The following CNTNAP2 variants were observed in gnomAD, a reference collection of about 807,000 sequenced individuals.
CNTNAP2 encodes the protein contactin-associated protein-like 2.
Under a neutral mutation model 155.2 loss-of-function variants are expected in CNTNAP2, and 98 were observed. The ratio of observed to expected loss-of-function variants is 0.63; its 90% CI spans 0.54 to 0.75. The LOEUF is 0.75. Ranked by LOEUF, CNTNAP2 falls within the 30% of genes least tolerant of loss-of-function variation. CNTNAP2 has a pLI of 0.00. For synonymous variants in CNTNAP2, 651 were observed against 631.2 expected, an observed-to-expected ratio of 1.03 and a Z score of -0.47; for missense variants, 1,727 against 1,688.1, an observed-to-expected ratio of 1.02 and a Z score of -0.40.
intron 19 of CNTNAP2, among the ~76,000 whole-genome samples, chr7:148,228,145 G>A (rs1055047980): frequency 5.9e-5 from 9 of 152,100 alleles, no homozygotes; most frequent in African/African-American, 2.2e-4. Flanking sequence ...TTTGCAGTTG[G>A]TCAAATTCTT....
chr7:148,350,185 G>T (rs1798402589), intron 21 of CNTNAP2, among the ~76,000 whole-genome samples: 1 of 152,220 alleles, frequency 6.6e-6, no homozygotes, highest in South Asian at 2.1e-4. Flanking sequence ...GCACAGCTAA[G>T]ACTATCTGCG....
chr7:147,645,792 A>C (rs146493480), intron 13 of CNTNAP2, among the ~76,000 whole-genome samples: 172 of 152,278 alleles, frequency 1.1e-3, no homozygotes, highest in African/African-American at 3.8e-3. Flanking sequence ...AAATGAGAGA[A>C]GGATTCTGGG....
chr7:147,228,895 A>G (rs2036117), intron 8 of CNTNAP2, among the ~76,000 whole-genome samples: 78,244 of 151,012 alleles, frequency 0.52, 20,860 homozygotes, highest in African/African-American at 0.59. Context: ...TTATGAGTGA[A>G]AACATGCAGT....
chr7:146,141,933 G>A (rs7795024), intron 1 of CNTNAP2, among the ~76,000 whole-genome samples: 45,790 of 151,944 alleles, frequency 0.3, 8,073 homozygotes, highest in African/African-American at 0.48. Context: ...CACCAGGAAA[G>A]ATGATCTCAA....
At chr7:148,059,055 C>T (rs913059864) in intron 15 of CNTNAP2, among the ~76,000 whole-genome samples, 4 of 151,556 alleles carry the variant, frequency 2.6e-5, no homozygotes, top group African/African-American at 9.7e-5. Flanking sequence ...CCAAGGTAGG[C>T]GGATCACTTG....
chr7:148,182,388 G>A (rs1222732542), intron 18 of CNTNAP2, among the ~76,000 whole-genome samples: 3 of 144,314 alleles, frequency 2.1e-5, no homozygotes, highest in East Asian at 2.1e-4. Flanking sequence ...CAACGTCCAC[G>A]CTGCCCTTGA....
chr7:147,265,357 A>G (rs1309409381), intron 8 of CNTNAP2, among the ~76,000 whole-genome samples: 1 of 152,120 alleles, frequency 6.6e-6, no homozygotes, highest in Non-Finnish European at 1.5e-5. Context: ...CCCAAGAGGT[A>G]GTTCCTACAT....
At chr7:147,699,079 A>C (rs1796199643) in intron 13 of CNTNAP2, among the ~76,000 whole-genome samples, 1 of 152,046 alleles carries the variant, frequency 6.6e-6, no homozygotes, top group African/African-American at 2.4e-5. Context: ...TATGAGAGGA[A>C]AAGGGGTAGT....
intron 13 of CNTNAP2, 62 bp downstream of exon 13, chr7:147,639,368 A>G: frequency 6.7e-7 from 1 of 1,496,358 alleles, no homozygotes; most frequent in South Asian, 1.2e-5. Flanking sequence ...GAATTGCCTA[A>G]AGAATCCAAC....
intron 3 of CNTNAP2, among the ~76,000 whole-genome samples, chr7:147,037,294 A>T (rs1799169231): frequency 6.6e-6 from 1 of 151,986 alleles, no homozygotes. Context: ...TCAAATATAT[A>T]ACATTAAATA....
intron 1 of CNTNAP2, among the ~76,000 whole-genome samples, chr7:146,610,148 A>G (rs1295538391): frequency 6.6e-6 from 1 of 152,168 alleles, no homozygotes; most frequent in Non-Finnish European, 1.5e-5. Context: ...AATAATAATA[A>G]TCATCATTTT....
intron 15 of CNTNAP2, among the ~76,000 whole-genome samples, chr7:147,980,113 G>T (rs988076067): frequency 1.3e-5 from 2 of 152,134 alleles, no homozygotes; most frequent in Non-Finnish European, 1.5e-5. Flanking sequence ...GTAAGAAAAA[G>T]AAGTTCAAAC....
At chr7:148,255,291 T>G (rs1327283723) in intron 20 of CNTNAP2, among the ~76,000 whole-genome samples, 1 of 152,234 alleles carries the variant, frequency 6.6e-6, no homozygotes, top group African/African-American at 2.4e-5. Context: ...AATAATTATA[T>G]AGTGCTTGAG....
At chr7:147,770,641 T>G (rs1797454630) in intron 13 of CNTNAP2, among the ~76,000 whole-genome samples, 1 of 152,140 alleles carries the variant, frequency 6.6e-6, no homozygotes, top group Non-Finnish European at 1.5e-5. Context: ...ATCAAGTAAT[T>G]CTGCATAATC....
chr7:148,218,240 A>T (rs551448640), intron 19 of CNTNAP2, among the ~76,000 whole-genome samples: 1 of 152,374 alleles, frequency 6.6e-6, no homozygotes, highest in African/African-American at 2.4e-5. Context: ...AATTAATTTT[A>T]TCCTGATTTA....
chr7:146,202,677 A>G (rs1584800361), intron 1 of CNTNAP2, among the ~76,000 whole-genome samples: 1 of 152,156 alleles, frequency 6.6e-6, no homozygotes, highest in Non-Finnish European at 1.5e-5. Flanking sequence ...ATACACTGTT[A>G]TGTAGCTATT....
chr7:147,406,819 A>G (rs1797012359), intron 10 of CNTNAP2, among the ~76,000 whole-genome samples: 1 of 152,230 alleles, frequency 6.6e-6, no homozygotes, highest in African/African-American at 2.4e-5. Context: ...CGGTATCTGA[A>G]AAGGGTGTCT....
At chr7:148,200,236 T>C (rs1191456842) in intron 18 of CNTNAP2, among the ~76,000 whole-genome samples, 1 of 152,238 alleles carries the variant, frequency 6.6e-6, no homozygotes, top group Non-Finnish European at 1.5e-5. Context: ...CAATGTAAAA[T>C]GTCTCAATAA....
At chr7:148,269,772 G>A (rs1161933084) in intron 21 of CNTNAP2, among the ~76,000 whole-genome samples, 3 of 152,166 alleles carry the variant, frequency 2.0e-5, no homozygotes, top group African/African-American at 7.2e-5. Flanking sequence ...TAGGGCCTTG[G>A]CATTCATGAG....
Sources: allele counts gnomAD v4.1 joint callset (sites outside exome capture counted in the v4.1 genomes callset), GRCh38; gene constraint gnomAD v4.1.1; transcripts MANE v1.5; gene names NCBI Gene and HGNC (gene_info 2026-07-23, HGNC 2026-07-21).